Variants in FER observed in about 807,000 individuals in gnomAD.
FER encodes tyrosine-protein kinase Fer.
In FER, 63 loss-of-function variants were observed where a neutral mutation model predicts 111.0. The ratio of observed to expected loss-of-function variants is 0.57; its 90% confidence interval spans 0.46 to 0.70. FER has a LOEUF of 0.70. Among genes scored for constraint, FER ranks in the 30% least tolerant of loss-of-function variants. The probability of loss-of-function intolerance (pLI) is 0.00; values close to 1 mark genes in which losing one functional copy is unlikely to be tolerated. For synonymous variants in FER, 327 were observed against 313.9 expected, an observed-to-expected ratio of 1.04 and a Z score of -0.44; for missense variants, 914 against 954.0, an observed-to-expected ratio of 0.96 and a Z score of 0.55.
intron 17 of FER, among the ~76,000 whole-genome samples, chr5:109,145,926 T>TA (rs201903727): frequency 0.011 from 1,702 of 148,602 alleles, 21 homozygotes; most frequent in African/African-American, 0.036. Flanking sequence ...TGTTATTATT[T>TA]AAAAAAAAAA....
intron 17 of FER, among the ~76,000 whole-genome samples, chr5:109,108,592 G>A (rs573296761): frequency 1.3e-5 from 2 of 152,096 alleles, no homozygotes; most frequent in African/African-American, 4.8e-5. Flanking sequence ...CCATCCAACA[G>A]GCAGGAGATC....
chr5:108,943,044 T>C (rs1377502943), intron 10 of FER, among the ~76,000 whole-genome samples: 1 of 152,150 alleles, frequency 6.6e-6, no homozygotes, highest in Non-Finnish European at 1.5e-5. Flanking sequence ...AGAAATAATA[T>C]TCAGTTTTTG....
chr5:108,887,237 A>C (rs1213798737), intron 9 of FER, among the ~76,000 whole-genome samples: 1 of 151,732 alleles, frequency 6.6e-6, no homozygotes, highest in Non-Finnish European at 1.5e-5. Context: ...TACTTAATAG[A>C]AATAACAGTA....
intron 16 of FER, among the ~76,000 whole-genome samples, chr5:109,061,412 AC>A (rs1334855768): frequency 6.6e-6 from 1 of 152,154 alleles, no homozygotes; most frequent in African/African-American, 2.4e-5. Flanking sequence ...CAGTTATTCT[AC>A]TAGAAGTTAT....
intron 17 of FER, among the ~76,000 whole-genome samples, chr5:109,147,623 A>T (rs958976013): frequency 6.6e-6 from 1 of 152,044 alleles, no homozygotes; most frequent in Non-Finnish European, 1.5e-5. Flanking sequence ...CCTGTGCCAT[A>T]AGAAAATTTG....
At chr5:109,122,913 G>A (rs1429773336) in intron 17 of FER, among the ~76,000 whole-genome samples, 3 of 151,898 alleles carry the variant, frequency 2.0e-5, no homozygotes, top group African/African-American at 7.3e-5. Context: ...CTGTTTGCAC[G>A]GAATATCTTT....
intron 17 of FER, among the ~76,000 whole-genome samples, chr5:109,111,505 C>T (rs1561908353): frequency 6.6e-6 from 1 of 151,636 alleles, no homozygotes. Context: ...TGGCAAAAAT[C>T]ACAATTGCTT....
chr5:109,027,653 C>T (rs995848204), intron 13 of FER, among the ~76,000 whole-genome samples: 1 of 152,094 alleles, frequency 6.6e-6, no homozygotes, highest in African/African-American at 2.4e-5. Context: ...AGAGATTTGG[C>T]AGCGGTTGAT....
chr5:109,142,897 T>TA (rs1323723935), intron 17 of FER, among the ~76,000 whole-genome samples: 3 of 152,134 alleles, frequency 2.0e-5, no homozygotes, highest in African/African-American at 7.2e-5. Flanking sequence ...TAGTAGACGA[T>TA]ACTGAGGAAG....
chr5:108,932,684 T>C (rs1172001589), intron 10 of FER, among the ~76,000 whole-genome samples: 1 of 152,212 alleles, frequency 6.6e-6, no homozygotes, highest in African/African-American at 2.4e-5. Context: ...CTCCAGCATC[T>C]GTTGTTTCCT....
intron 16 of FER, among the ~76,000 whole-genome samples, chr5:109,056,544 G>A (rs1458477649): frequency 3.3e-5 from 5 of 151,956 alleles, no homozygotes; most frequent in African/African-American, 4.8e-5. Flanking sequence ...AGAATGAAAC[G>A]GGTCACTAGG....
intron 1 of FER, among the ~76,000 whole-genome samples, chr5:108,764,914 T>C (rs1481377057): frequency 6.6e-6 from 1 of 152,176 alleles, no homozygotes; most frequent in African/African-American, 2.4e-5. Flanking sequence ...TTTAGGGTCA[T>C]GCAGCTGCAG....
In FER at chr5:108,945,351, T is replaced by G. The variant is rs1298310367; in HGVS notation, c.1237-779T>G. ...CCCTTCTTATGTCCTAGTTTTGGTT[T>G]TTTTTCCTTTTTCCCTCTTTTTTTC... On this transcript the variant is annotated intron_variant, in intron 10 of 19. Transcript: ENST00000281092. Among the ~76,000 whole-genome samples the G allele has an allele frequency of 2.0e-5, 3 of 151,992 alleles. No homozygotes were observed. The East Asian group carries it at 5.8e-4, about 29-fold the overall frequency.
intron 16 of FER, among the ~76,000 whole-genome samples, chr5:109,087,088 G>T (rs1212992818): frequency 2.0e-5 from 3 of 150,712 alleles, no homozygotes; most frequent in East Asian, 1.9e-4. Context: ...GGTACTGAGG[G>T]TTAGGACTTA....
Position 108,886,327 on chromosome 5 carries a change from G to T in FER, c.1046+2809G>T, listed in dbSNP as rs1450670379. ...TATAAGAGAGGAGCCTTGAAGGGTA[G>T]TGGATATATGGAAAGTAACATTTCT... On this transcript the variant is annotated intron_variant, in intron 9 of 19. Coordinates refer to ENST00000281092, the MANE Select transcript of FER (RefSeq NM_005246.4). Among the ~76,000 whole-genome samples, 3 of 151,118 alleles carry T rather than the reference G, an allele frequency of 2.0e-5. No individual in the cohort carries two copies. In the Admixed American group the frequency reaches 2.0e-4, roughly 10 times the overall value.
intron 13 of FER, among the ~76,000 whole-genome samples, chr5:109,020,793 C>G (rs936423205): frequency 3.3e-5 from 5 of 152,056 alleles, no homozygotes; most frequent in African/African-American, 7.2e-5. Context: ...CCTTGCCAAA[C>G]TAAAGGCCTT....
intron 3 of FER, among the ~76,000 whole-genome samples, chr5:108,805,203 G>T (rs1261410929): frequency 6.6e-6 from 1 of 152,070 alleles, no homozygotes; most frequent in Non-Finnish European, 1.5e-5. Context: ...AGATCCGATG[G>T]TTTTAAAAAT....
At position 109,134,890 on chromosome 5, in the gene FER, A is replaced by G. The variant is rs555136302; in HGVS notation, c.2048+34371A>G. Among the ~76,000 whole-genome samples, 4 of 152,340 alleles carry G rather than the reference A, an allele frequency of 2.6e-5. No individual in the cohort carries two copies. In the South Asian group the frequency reaches 6.2e-4, roughly 24 times the overall value. ...GGCTAAGGCAAAGAGTCTTTGTCCA[A>G]ATGAGTAGTAACCAACAGTCTTTAA... On this transcript the variant is annotated intron_variant, in intron 17 of 19. Coordinates refer to ENST00000281092, the MANE Select transcript of FER (RefSeq NM_005246.4).
chr5:108,950,640 A>G (rs1017103992), intron 11 of FER, among the ~76,000 whole-genome samples: 2 of 152,202 alleles, frequency 1.3e-5, no homozygotes, highest in Admixed American at 6.5e-5. Flanking sequence ...TTATTTTAAG[A>G]TTAATTCAAT....
Sources: gnomAD v4.1 joint callset for allele counts (sites outside exome capture counted in the v4.1 genomes callset) on GRCh38, gnomAD v4.1.1 for gene constraint, MANE v1.5 for transcripts, NCBI Gene and HGNC (gene_info 2026-07-23, HGNC 2026-07-21) for gene names.